Variants in MILR1 observed in about 807,000 individuals in gnomAD.
The protein encoded by MILR1 is mast cell immunoglobulin like receptor 1.
Under a neutral mutation model 18.5 loss-of-function variants are expected in MILR1, and 31 were observed. That is an observed-to-expected ratio of 1.68 (90% CI 1.26 to 2.26). The LOEUF (loss-of-function observed/expected upper bound fraction) is 2.26. Among genes scored for constraint, MILR1 ranks in the 30% most tolerant of loss-of-function variants. The pLI is 0.00. For synonymous variants in MILR1, 85 were observed against 56.2 expected (o/e 1.51, Z -2.30); for missense variants, 257 against 157.4 (o/e 1.63, Z -3.38).
the MILR1 span, among the ~76,000 whole-genome samples, chr17:64,477,067 C>G: frequency 6.6e-6 from 1 of 152,088 alleles, no homozygotes. Context: ...ATTTTAGTTG[C>G]TTTTCAAAAA....
the MILR1 span, chr17:64,492,573 C>T: frequency 1.4e-6 from 1 of 736,120 alleles, no homozygotes; most frequent in Non-Finnish European, 2.4e-6. Flanking sequence ...CTACATACAT[C>T]AAATATAATT....
chr17:64,491,485 G>C, the MILR1 span: 2 of 1,319,588 alleles, frequency 1.5e-6, no homozygotes, highest in Non-Finnish European at 2.1e-6. Context: ...AGTCCAGCCC[G>C]GGCAAAAGAG....
chr17:64,451,802 G>A (rs1477989366), intron 2 of MILR1, among the ~76,000 whole-genome samples: 36 of 152,034 alleles, frequency 2.4e-4, no homozygotes, highest in Admixed American at 2.0e-3. Flanking sequence ...GCATGGTGGT[G>A]TGTGCCTATA....
chr17:64,467,943 A>AG (rs1295600127), intron 9 of MILR1: 10 of 166,508 alleles, frequency 6.0e-5, no homozygotes, highest in Non-Finnish European at 1.1e-4. Flanking sequence ...CTCAAAAAAA[A>AG]AAAAAAAAAA....
At chr17:64,468,659 T>C, downstream of MILR1, 1 of 1,111,076 alleles carries the variant, frequency 9.0e-7, no homozygotes, top group African/African-American at 1.7e-5. Flanking sequence ...CTCTGAGCCT[T>C]CTGACTCTTC....
downstream of MILR1, among the ~76,000 whole-genome samples, chr17:64,469,867 C>T (rs2037661304): frequency 2.0e-5 from 3 of 152,162 alleles, no homozygotes; most frequent in Admixed American, 1.3e-4. Context: ...CCCTGTCAGG[C>T]TCTACTGAGA....
chr17:64,452,289 T>C (rs939855541), intron 2 of MILR1, among the ~76,000 whole-genome samples: 24 of 152,212 alleles, frequency 1.6e-4, no homozygotes, highest in Non-Finnish European at 3.1e-4. Context: ...AGTCTCACTC[T>C]GTCACCCAGC....
chr17:64,454,899 G>A (rs2037256291), intron 3 of MILR1, among the ~76,000 whole-genome samples: 2 of 152,146 alleles, frequency 1.3e-5, no homozygotes, highest in African/African-American at 4.8e-5. Context: ...TACTCAGGAG[G>A]CTGAGTTGGG....
intron 2 of MILR1, 120 bp from the exon 3 acceptor site, chr17:64,452,477 T>C (rs1377936034): frequency 5.0e-6 from 2 of 402,846 alleles, no homozygotes; most frequent in Admixed American, 4.4e-5. Flanking sequence ...GGTATCAAAC[T>C]CATGGCCTCA....
At chr17:64,489,378 G>T in the MILR1 span, among the ~76,000 whole-genome samples, 2 of 150,834 alleles carry the variant, frequency 1.3e-5, 1 homozygote, top group South Asian at 4.2e-4. Context: ...AAAAAAAAGG[G>T]AAGGGGAAAA....
chr17:64,465,302 A>G (rs1178966441), intron 5 of MILR1, 150 bp from the exon 6 acceptor site: 1 of 619,952 alleles, frequency 1.6e-6, no homozygotes, highest in Admixed American at 2.8e-5. Context: ...TGTTGAGTCT[A>G]TAGTTTTCCT....
Position 64,465,423 on chromosome 17 carries a change from A to G in MILR1, c.764-29A>G, listed in dbSNP as rs8066897. ...GAGAAAAATGTGGCTGAATTGGTTT[A>G]ATTTGATGATTCCTACCTATTTACG... On this transcript the variant is annotated intron_variant, in intron 5 of 9. Transcript: ENST00000619286. The G allele has an allele frequency of 3.3e-3, 5,001 of 1,506,034 alleles. 132 individuals carry two copies. In the African/African-American group the frequency reaches 0.061, roughly 18 times the overall value. The allele number at this position is 1,506,034 out of a possible 1,614,324, so 93.3% of individuals were successfully genotyped here. A position where few individuals can be genotyped will look rare whatever the true frequency, so the allele number is the denominator to read the frequency against.
At chr17:64,465,335 A>G in intron 5 of MILR1, 117 bp from the exon 6 acceptor site, 1 of 735,482 alleles carries the variant, frequency 1.4e-6, no homozygotes, top group Middle Eastern at 2.4e-4. Flanking sequence ...AGTTTGGGCC[A>G]TTGGAGCAAG....
chr17:64,452,746 G>C lies in MILR1; in HGVS notation c.247G>C (p.Gly83Arg), dbSNP rs1401118434. 1.5e-4 allele frequency: 70 copies of C among 475,312 alleles called. 2 individuals are homozygous for C. In the South Asian group the frequency reaches 4.6e-3, roughly 31 times the overall value. The allele number at this position is 475,312 out of a possible 1,614,324, so 29.4% of individuals were successfully genotyped here. A position where few individuals can be genotyped will look rare whatever the true frequency, so the allele number is the denominator to read the frequency against. ...KTHLGTQDGK[G>R]EPAIFNLSIT... Reference sequence around the variant, plus strand: ...ACACCTGGGAACCCAGGATGGAAAAGGTGAACCTGCGATTTTTAACCTAAG... The same window carrying C: ...ACACCTGGGAACCCAGGATGGAAAACGTGAACCTGCGATTTTTAACCTAAG... The change falls in exon 3 of 10, where the codon GGT (glycine) becomes CGT (arginine). Residue 83 changes from glycine (G) to arginine (R), a missense_variant. Gly to Arg is a moderately radical substitution (Grantham distance 125). Coordinates refer to ENST00000619286, the MANE Select transcript of MILR1 (RefSeq NM_001085423.2).
chr17:64,492,214 G>A, the MILR1 span, among the ~76,000 whole-genome samples: 1 of 152,152 alleles, frequency 6.6e-6, no homozygotes, highest in Non-Finnish European at 1.5e-5. Context: ...ATTTGGGGAT[G>A]TTTGAGTCGG....
At chr17:64,474,072 GTTA>G in the MILR1 span, among the ~76,000 whole-genome samples, 8 of 151,932 alleles carry the variant, frequency 5.3e-5, no homozygotes, top group African/African-American at 1.5e-4. Flanking sequence ...TTTTTCATTT[GTTA>G]TTATTATTAT....
intron 3 of MILR1, among the ~76,000 whole-genome samples, chr17:64,455,153 T>C (rs917729256): frequency 1.3e-5 from 2 of 152,230 alleles, no homozygotes; most frequent in African/African-American, 4.8e-5. Flanking sequence ...TATTCTCTAG[T>C]GGTCAGACTC....
the MILR1 span, among the ~76,000 whole-genome samples, chr17:64,490,223 GTTAA>G: frequency 6.6e-6 from 1 of 152,102 alleles, no homozygotes; most frequent in Non-Finnish European, 1.5e-5. Context: ...GCGCCTGGCC[GTTAA>G]TTAATAAATA....
At chr17:64,466,147 T>C (rs2037554368) in intron 6 of MILR1, among the ~76,000 whole-genome samples, 1 of 152,176 alleles carries the variant, frequency 6.6e-6, no homozygotes, top group African/African-American at 2.4e-5. Flanking sequence ...GGGAAACCCC[T>C]TATAAAACCA....
Sources: allele counts gnomAD v4.1 joint callset (sites outside exome capture counted in the v4.1 genomes callset), GRCh38; gene constraint gnomAD v4.1.1; transcripts MANE v1.5; gene names NCBI Gene and HGNC (gene_info 2026-07-23, HGNC 2026-07-21).